Variants in UNC79 observed in about 807,000 individuals in gnomAD.
The protein encoded by UNC79 is unc-79 subunit of NALCN channel complex, also known as protein unc-79 homolog.
UNC79 carries 37 observed loss-of-function variants against 283.1 expected under a neutral mutation model. The ratio of observed to expected loss-of-function variants is 0.13; its 90% CI spans 0.10 to 0.17. The LOEUF (loss-of-function observed/expected upper bound fraction) is 0.17, where lower values mean the gene tolerates loss of function less well. Among genes scored for constraint, UNC79 ranks in the 10% least tolerant of loss-of-function variants. UNC79 has a pLI of 1.00. For missense variants in UNC79, 2,272 were observed against 3,211.1 expected (o/e 0.71, Z 7.07); for synonymous variants, 1,107 against 1,200.2 (o/e 0.92, Z 1.61).
chr14:93,641,379 C>G, intron 33 of UNC79, 132 bp downstream of exon 36: 2 of 791,560 alleles, frequency 2.5e-6, no homozygotes, highest in Non-Finnish European at 4.1e-6. Flanking sequence ...TATTGCCTGG[C>G]ACACAGATGC....
chr14:93,414,956 T>C lies in UNC79; in HGVS notation c.-350-52715T>C, dbSNP rs1169961156. On this transcript the variant is annotated intron_variant, in intron 1 of 49. Coordinates refer to the UNC79 transcript ENST00000256339. ...GGGGTTTTCTAGATACACAGTCATG[T>C]CATCTGCAAACAGGGACAATTTGAC... Among the ~76,000 whole-genome samples, 4 of 152,220 alleles carry C rather than the reference T, an allele frequency of 2.6e-5. No homozygotes were observed. In the East Asian group the frequency reaches 7.7e-4, roughly 29 times the overall value.
At chr14:93,395,176 T>C (rs957340697) in intron 1 of UNC79, among the ~76,000 whole-genome samples, 8 of 152,222 alleles carry the variant, frequency 5.3e-5, no homozygotes, top group Admixed American at 2.6e-4. Context: ...GGACACTCTT[T>C]AATATTTATT....
chr14:93,428,755 T>A (rs1259467378), upstream of UNC79, among the ~76,000 whole-genome samples: 2 of 152,196 alleles, frequency 1.3e-5, no homozygotes, highest in African/African-American at 4.8e-5. Flanking sequence ...TATATATACT[T>A]ATTTATTCCT....
rs149001006 is a variant in UNC79, at chr14:93,545,814, C to T, written c.1755+3118C>T. On this transcript the variant is annotated intron_variant, in intron 14 of 48. Coordinates refer to ENST00000555664, the Ensembl canonical transcript of UNC79. ...AGAGTTTAATTGACATGAGGCCAGC[C>T]GTGCCACACGAGAGACTGAGTTATT... 1.4e-4 allele frequency among the ~76,000 whole-genome samples: 21 copies of T among 152,272 alleles called. No homozygotes were observed. In the East Asian group the frequency reaches 3.1e-3, roughly 22 times the overall value.
intron 1 of UNC79, among the ~76,000 whole-genome samples, chr14:93,398,921 C>A (rs895905933): frequency 2.0e-5 from 3 of 152,026 alleles, no homozygotes; most frequent in African/African-American, 7.3e-5. Flanking sequence ...TGTATTAGTC[C>A]ATTCTCATGC....
At chr14:93,557,736 G>A (rs2062254712) in intron 14 of UNC79, among the ~76,000 whole-genome samples, 1 of 152,134 alleles carries the variant, frequency 6.6e-6, no homozygotes, top group Non-Finnish European at 1.5e-5. Context: ...AAACCAGAAG[G>A]GACTCATTCC....
At chr14:93,665,606 G>T (rs1480756226) in intron 40 of UNC79, among the ~76,000 whole-genome samples, 1 of 151,818 alleles carries the variant, frequency 6.6e-6, no homozygotes, top group Non-Finnish European at 1.5e-5. Context: ...GGTATAACTT[G>T]TCAAAACAGT....
chr14:93,609,814 C>A (rs1278954321), intron 26 of UNC79, among the ~76,000 whole-genome samples: 2 of 152,006 alleles, frequency 1.3e-5, no homozygotes, highest in East Asian at 3.9e-4. Context: ...AAGAGTGCAC[C>A]AGTCACAAGC....
intron 7 of UNC79, among the ~76,000 whole-genome samples, chr14:93,520,686 A>G (rs2181388): frequency 0.082 from 12,526 of 151,876 alleles, 591 homozygotes; most frequent in Middle Eastern, 0.18. Context: ...TTTCTTCTGC[A>G]TTGTCTATTC....
intron 1 of UNC79, among the ~76,000 whole-genome samples, chr14:93,463,920 C>T (rs948621532): frequency 5.3e-5 from 8 of 152,150 alleles, no homozygotes; most frequent in Admixed American, 3.3e-4. Context: ...GAGGCGGAGG[C>T]GGGCGGATCA....
intron 4 of UNC79, among the ~76,000 whole-genome samples, chr14:93,487,168 A>G (rs992025782): frequency 1.3e-5 from 2 of 152,216 alleles, no homozygotes; most frequent in African/African-American, 4.8e-5. Flanking sequence ...ATAATATGTG[A>G]TTTAGAATTT....
intron 1 of UNC79, among the ~76,000 whole-genome samples, chr14:93,444,248 T>C (rs1227668774): frequency 6.6e-6 from 1 of 152,178 alleles, no homozygotes; most frequent in Non-Finnish European, 1.5e-5. Context: ...TATCTTCTTT[T>C]GGGAAATTTC....
At chr14:93,491,889 A>G (rs1038267513) in intron 5 of UNC79, among the ~76,000 whole-genome samples, 5 of 152,204 alleles carry the variant, frequency 3.3e-5, no homozygotes, top group Admixed American at 2.0e-4. Context: ...GTTGGGACCC[A>G]AAACTAGTCT....
intron 1 of UNC79, among the ~76,000 whole-genome samples, chr14:93,358,653 ACT>A (rs752968770): frequency 6.6e-6 from 1 of 152,070 alleles, no homozygotes; most frequent in African/African-American, 2.4e-5. Flanking sequence ...GAGCTTGTAA[ACT>A]CTGATGAACT....
intron 14 of UNC79, among the ~76,000 whole-genome samples, chr14:93,564,664 G>A (rs955128859): frequency 6.6e-6 from 1 of 152,138 alleles, no homozygotes; most frequent in South Asian, 2.1e-4. Context: ...GCTGAGTCTG[G>A]AAAGAGAGTC....
intron 30 of UNC79, 109 bp downstream of exon 32, chr14:93,622,950 G>T (rs1459975010): frequency 1.5e-6 from 2 of 1,377,616 alleles, no homozygotes; most frequent in African/African-American, 2.9e-5. Flanking sequence ...TATAATGTCA[G>T]GGTGTGACAT....
intron 14 of UNC79, among the ~76,000 whole-genome samples, chr14:93,546,912 A>T (rs2061627679): frequency 6.6e-6 from 1 of 152,162 alleles, no homozygotes; most frequent in Non-Finnish European, 1.5e-5. Flanking sequence ...GATCTCAGAG[A>T]CAATCTGTTT....
intron 1 of UNC79, among the ~76,000 whole-genome samples, chr14:93,434,396 C>CT (rs1277611848): frequency 2.0e-5 from 3 of 151,772 alleles, no homozygotes; most frequent in Non-Finnish European, 4.4e-5. Context: ...CCAAATGCTT[C>CT]TTTTTCTTAC....
chr14:93,597,861 A>T (rs1566740740), intron 24 of UNC79, among the ~76,000 whole-genome samples: 1 of 152,146 alleles, frequency 6.6e-6, no homozygotes, highest in Admixed American at 6.6e-5. Context: ...TAGTTTCAAC[A>T]GGAATTTGGG....
Sources: allele counts gnomAD v4.1 joint callset (sites outside exome capture counted in the v4.1 genomes callset), GRCh38; gene constraint gnomAD v4.1.1; transcripts MANE v1.5; gene names NCBI Gene and HGNC (gene_info 2026-07-23, HGNC 2026-07-21).